Variants in RBM5 observed in about 807,000 individuals in gnomAD.
RBM5 encodes the protein RNA binding motif protein 5.
RBM5 carries 15 observed loss-of-function variants against 124.6 expected under a neutral mutation model. The observed-to-expected ratio is 0.12, with a 90% CI of 0.08 to 0.19. The LOEUF (loss-of-function observed/expected upper bound fraction) is 0.19, where lower values mean the gene tolerates loss of function less well. RBM5 is among the 10% of genes least tolerant of loss of function. RBM5 has a pLI of 1.00. For missense variants in RBM5, 580 were observed against 1,026.5 expected, an observed-to-expected ratio of 0.57 and a Z score of 5.94; for synonymous variants, 337 against 361.2, an observed-to-expected ratio of 0.93 and a Z score of 0.76.
In RBM5 at chr3:50,092,058, G is replaced by A; in HGVS notation, c.33G>A (p.Glu11=). The change falls in exon 3 of 25, where the codon GAG becomes GAA. Residue 11 remains glutamate, a synonymous_variant. Coordinates refer to ENST00000347869, the MANE Select transcript of RBM5 (RefSeq NM_005778.4). ...TCCCTGGCAGAGTGAGTAGAACAGA[G>A]CGTAGTGGAAGATACGGTTCCATCA... MGSDKRVSRT[E]RSGRYGSIID... 6.2e-7 allele frequency: 1 copy of A among 1,614,106 alleles called. No homozygotes were observed. Among genetic ancestry groups the A allele is most frequent in the Admixed American group, 1.7e-5 (1 of 60,016 alleles).
intron 4 of RBM5, among the ~76,000 whole-genome samples, chr3:50,098,209 G>A (rs1265896527): frequency 6.6e-6 from 1 of 152,128 alleles, no homozygotes; most frequent in Non-Finnish European, 1.5e-5. Flanking sequence ...TTGATTAGGC[G>A]TACTTCAGGG....
At chr3:50,102,859 C>G (rs1256673312) in intron 6 of RBM5, 2 of 513,486 alleles carry the variant, frequency 3.9e-6, no homozygotes, top group Non-Finnish European at 6.9e-6. Context: ...TGTTTGACAG[C>G]TTTCTCAGCA....
At chr3:50,095,779 G>C (rs139131882) in intron 4 of RBM5, among the ~76,000 whole-genome samples, 6 of 152,126 alleles carry the variant, frequency 3.9e-5, no homozygotes, top group Middle Eastern at 3.4e-3. Flanking sequence ...ATAGGCCTCT[G>C]TGTGAACTAG....
intron 8 of RBM5, 61 bp downstream of exon 8, chr3:50,104,369 A>G (rs2109003151): frequency 2.6e-6 from 4 of 1,510,580 alleles, no homozygotes; most frequent in Non-Finnish European, 3.7e-6. Flanking sequence ...GGCAGGGAGC[A>G]GTGGCTCACT....
At chr3:50,105,187 C>T in intron 9 of RBM5, 45 bp downstream of exon 9, 1 of 1,473,576 alleles carries the variant, frequency 6.8e-7, no homozygotes, top group Non-Finnish European at 9.5e-7. Context: ...AAAAATTGAC[C>T]TCAGTTGTCA....
chr3:50,089,693 A>T (rs1163299763), intron 1 of RBM5, among the ~76,000 whole-genome samples: 1 of 151,890 alleles, frequency 6.6e-6, no homozygotes, highest in African/African-American at 2.4e-5. Context: ...GACTACTGGA[A>T]CTGATTTTTC....
rs567566153 is a variant in RBM5, at chr3:50,104,973, A to T, written c.629-104A>T. The T allele has an allele frequency of 4.5e-6, 4 of 887,768 alleles. No individual in the cohort carries two copies. The South Asian group carries it at 6.9e-5, about 15-fold the overall frequency. The allele number at this position is 887,768 out of a possible 1,614,324, so 55.0% of individuals were successfully genotyped here. On this transcript the variant is annotated intron_variant, in intron 8 of 24. Transcript: ENST00000347869. ...CAAATGCTTAAAAAAGAAAAAAACG[A>T]TTGTTTTGTGTGGTTAAAATAAAAA... is the stretch of plus-strand genomic sequence containing the variant.
chr3:50,098,873 C>T (rs1310707068), intron 4 of RBM5, among the ~76,000 whole-genome samples: 1 of 152,174 alleles, frequency 6.6e-6, no homozygotes, highest in Non-Finnish European at 1.5e-5. Flanking sequence ...AGCCACTGTA[C>T]TATCCTGCAG....
intron 15 of RBM5, 115 bp from the exon 16 acceptor site, chr3:50,110,264 A>G: frequency 1.2e-6 from 1 of 855,560 alleles, no homozygotes; most frequent in South Asian, 1.6e-5. Context: ...ATTGCCTTAG[A>G]TTATTGCTAC....
Position 50,117,014 on chromosome 3 carries a change from T to C in RBM5, c.2095-60T>C. The C allele has an allele frequency of 6.7e-7, 1 of 1,482,406 alleles. No homozygotes were observed. Among genetic ancestry groups the C allele is most frequent in the Admixed American group, 1.7e-5 (1 of 59,190 alleles). The allele number at this position is 1,482,406 out of a possible 1,614,324, so 91.8% of individuals were successfully genotyped here. ...GAGGGGATAGTTTTGAATAGGTGCA[T>C]TAGACGGTTACAGGTTGAAGTCTGT... On this transcript the variant is annotated intron_variant, in intron 22 of 24. Transcript: ENST00000347869. This position sits in a 1 kb window ranked among gnomAD's most constrained non-coding sequence, Gnocchi z 4.2.
intron 17 of RBM5, 50 bp downstream of exon 17, chr3:50,110,820 G>A (rs1178056077): frequency 3.5e-6 from 5 of 1,414,848 alleles, no homozygotes; most frequent in African/African-American, 1.4e-5. Context: ...GTTTCGCTTA[G>A]TGCATTTATG....
intron 4 of RBM5, 49 bp from the exon 5 acceptor site, chr3:50,099,933 T>TC: frequency 6.6e-7 from 1 of 1,524,800 alleles, no homozygotes; most frequent in Non-Finnish European, 9.0e-7. Flanking sequence ...CCATGGGGAA[T>TC]AGTGTGTGGC....
intron 17 of RBM5, 63 bp from the exon 18 acceptor site, chr3:50,113,313 TGACAAAA>T: frequency 4.7e-6 from 7 of 1,490,036 alleles, no homozygotes; most frequent in Admixed American, 4.0e-5. Flanking sequence ...ATCTTTTTTT[TGACAAAA>T]TATGTAATCG....
intron 3 of RBM5, among the ~76,000 whole-genome samples, 156 bp downstream of exon 3, chr3:50,092,364 C>T (rs2090718977): frequency 6.6e-6 from 1 of 152,006 alleles, no homozygotes; most frequent in South Asian, 2.1e-4. Context: ...GAGTTTAAGA[C>T]CAGTCTGGCC....
chr3:50,115,368 A>G, intron 20 of RBM5, 60 bp from the exon 21 acceptor site: 1 of 1,572,108 alleles, frequency 6.4e-7, no homozygotes, highest in African/African-American at 1.4e-5. Flanking sequence ...ATCCAGGTAC[A>G]TAGCCACCGC....
chr3:50,098,891 G>C lies in RBM5; in HGVS notation c.340-1091G>C, dbSNP rs368581621. 1.2e-4 allele frequency among the ~76,000 whole-genome samples: 18 copies of C among 152,270 alleles called. No homozygotes were observed. The East Asian group carries it at 2.3e-3, about 20-fold the overall frequency. On this transcript the variant is annotated intron_variant, in intron 4 of 24. Transcript: ENST00000347869. Reference sequence around the variant, plus strand: ...CACTGTACTATCCTGCAGAACAAAGGACAGGGAGATTAGACTAAAGGATGG... The same window carrying C: ...CACTGTACTATCCTGCAGAACAAAGCACAGGGAGATTAGACTAAAGGATGG...
intron 14 of RBM5, 110 bp downstream of exon 14, chr3:50,108,414 T>G: frequency 8.8e-7 from 1 of 1,137,506 alleles, no homozygotes; most frequent in Non-Finnish European, 1.3e-6. Context: ...CTCTGTAAGA[T>G]TGTAGGGGGC....
intron 20 of RBM5, 200 bp from the exon 21 acceptor site, chr3:50,115,228 T>C: frequency 1.8e-6 from 1 of 557,858 alleles, no homozygotes; most frequent in Non-Finnish European, 3.1e-6. Context: ...AGAAGGTTGG[T>C]ACCAGGAGGC....
At chr3:50,113,337 A>G (rs17729979) in intron 17 of RBM5, 46 bp from the exon 18 acceptor site, 20,721 of 1,562,358 alleles carry the variant, frequency 0.013, 177 homozygotes, top group Non-Finnish European at 0.016. Context: ...ATCGACTGAC[A>G]TAGCAGAAAG....
Sources: allele counts gnomAD v4.1 joint callset (sites outside exome capture counted in the v4.1 genomes callset), GRCh38; gene constraint gnomAD v4.1.1; non-coding constraint Gnocchi (gnomAD v3.1); transcripts MANE v1.5; gene names NCBI Gene and HGNC (gene_info 2026-07-23, HGNC 2026-07-21).